Variants in CTNS observed in about 807,000 individuals in gnomAD.
The protein encoded by CTNS is cystinosin, lysosomal cystine transporter, also known as cystinosin.
CTNS carries 27 observed loss-of-function variants against 43.7 expected under a neutral mutation model. The observed-to-expected ratio is 0.62, with a 90% confidence interval of 0.46 to 0.85. The LOEUF is 0.85. Ranked by LOEUF, CTNS falls within the 40% of genes least tolerant of loss-of-function variation. The pLI, the probability that CTNS is intolerant of heterozygous loss-of-function variation, is 0.00. For synonymous variants in CTNS, 187 were observed against 190.6 expected (o/e 0.98, Z 0.16); for missense variants, 457 against 475.4 (o/e 0.96, Z 0.36).
Position 3,660,560 on chromosome 17 carries a change from C to T in CTNS, c.*191C>T. The stretch of plus-strand genomic sequence containing the variant: ...GCCTTCGTCCGGGCCCCTCCTGGGC[C>T]TCCCCGGCCAGGCACGTGGCACCGT... On this transcript the variant is annotated 3_prime_UTR_variant, in exon 12 of 12. Coordinates refer to ENST00000046640, the MANE Select transcript of CTNS (RefSeq NM_004937.3). 1.9e-6 allele frequency: 3 copies of T among 1,613,024 alleles called. No individual in the cohort carries two copies. The highest frequency in any genetic ancestry group is 2.5e-6 in the Non-Finnish European group (3 of 1,180,004).
chr17:3,644,922 A>G (rs937257069), intron 3 of CTNS, among the ~76,000 whole-genome samples: 9 of 152,132 alleles, frequency 5.9e-5, no homozygotes, highest in African/African-American at 1.9e-4. Flanking sequence ...ATATGCAAAG[A>G]TTGTAGGAGC....
At chr17:3,658,234 C>T (rs2076202427) in intron 10 of CTNS, 59 bp downstream of exon 10, 1 of 1,599,868 alleles carries the variant, frequency 6.3e-7, no homozygotes, top group East Asian at 2.2e-5. Flanking sequence ...CTACATGGCC[C>T]AGGCCCTGCT....
intron 10 of CTNS, 98 bp downstream of exon 10, chr17:3,658,273 G>A (rs1304618037): frequency 8.6e-6 from 13 of 1,505,968 alleles, no homozygotes; most frequent in South Asian, 1.2e-5. Flanking sequence ...CCGGCGTGAG[G>A]AAACAGGACG....
Position 3,661,165 on chromosome 17 carries a change from G to C in CTNS, c.*796G>C. On this transcript the variant is annotated 3_prime_UTR_variant, in exon 12 of 12. Coordinates refer to ENST00000046640, the MANE Select transcript of CTNS (RefSeq NM_004937.3). ...CCCAGCATCTGGAGTACAGGACATA[G>C]CTCTCTCCTGCTACCAGTCTGTGCC... is the stretch of plus-strand genomic sequence containing the variant. 1 of 283,178 alleles carries C rather than the reference G, an allele frequency of 3.5e-6. No homozygotes were observed. The highest frequency in any genetic ancestry group is 3.6e-5 in the South Asian group (1 of 27,828). The allele number at this position is 283,178 out of a possible 1,614,324, so 17.5% of individuals were successfully genotyped here. A position where few individuals can be genotyped will look rare whatever the true frequency, so the allele number is the denominator to read the frequency against.
intron 5 of CTNS, among the ~76,000 whole-genome samples, chr17:3,651,552 G>A (rs1410698986): frequency 6.6e-6 from 1 of 152,192 alleles, no homozygotes; most frequent in Non-Finnish European, 1.5e-5. Flanking sequence ...CAGGGGTTCC[G>A]AGGACTTGGG....
Position 3,660,257 on chromosome 17 carries a change from G to T in CTNS, c.992G>T (p.Gly331Val), listed in dbSNP as rs1567716730. The T allele has an allele frequency of 2.5e-6, 4 of 1,614,228 alleles. No homozygotes were observed. The highest frequency in any genetic ancestry group is 3.4e-6 in the Non-Finnish European group (4 of 1,180,038). Reference protein sequence around the residue: ...YNNDQWTLIFGDPTKFGLGVF... With the variant: ...YNNDQWTLIFVDPTKFGLGVF... ...ACAGACCAGTGGACGCTGATCTTCGGAGACCCAACCAAGTTTGGACTCGGG... is the reference window on the plus strand; with the variant it reads ...ACAGACCAGTGGACGCTGATCTTCGTAGACCCAACCAAGTTTGGACTCGGG... Residue 331 changes from glycine (G) to valine (V), a missense_variant, in exon 12 of 12, where the codon GGA becomes GTA. By Grantham distance (109) the Gly-to-Val change is moderately radical. Transcript: ENST00000046640.
chr17:3,657,640 G>A, intron 9 of CTNS: 1 of 353,662 alleles, frequency 2.8e-6, no homozygotes, highest in Non-Finnish European at 5.4e-6. Flanking sequence ...GCTGGGAGAG[G>A]CACCAGGCCA....
chr17:3,655,190 A>C, intron 6 of CTNS, 31 bp from the exon 7 acceptor site: 1 of 1,614,066 alleles, frequency 6.2e-7, no homozygotes, highest in Non-Finnish European at 8.5e-7. Context: ...GCCCAGCCTC[A>C]GCTCATCCCG....
At chr17:3,648,157 C>T (rs965452966) in intron 4 of CTNS, among the ~76,000 whole-genome samples, 1 of 152,194 alleles carries the variant, frequency 6.6e-6, no homozygotes, top group African/African-American at 2.4e-5. Context: ...TTATGCCTTT[C>T]CCCCTTCCTC....
At position 3,650,201 on chromosome 17, in the gene CTNS, A is replaced by G. The variant is rs780032845; in HGVS notation, c.225+1270A>G. On this transcript the variant is annotated intron_variant, in intron 5 of 11. Coordinates refer to ENST00000046640, the MANE Select transcript of CTNS (RefSeq NM_004937.3). ...GGTGGAAGCAGGAGGAGAAGAATGC[A>G]GGGATGAGATCAGTAGCCATGAGGC... 6.1e-5 allele frequency: 94 copies of G among 1,550,420 alleles called. 1 individual carries two copies. Among genetic ancestry groups the G allele is most frequent in the Non-Finnish European group, 7.5e-5 (86 of 1,146,980 alleles).
chr17:3,660,053 C>A, intron 11 of CTNS, 78 bp downstream of exon 11: 1 of 1,457,968 alleles, frequency 6.9e-7, no homozygotes, highest in Non-Finnish European at 9.6e-7. Flanking sequence ...ACCTTCCAGC[C>A]AGGGCTCCAC....
intron 4 of CTNS, 134 bp from the exon 5 acceptor site, chr17:3,648,713 C>A (rs886388746): frequency 3.9e-6 from 3 of 770,442 alleles, no homozygotes; most frequent in East Asian, 5.2e-5. Context: ...ACCTGGCTAC[C>A]CATCAGGGTG....
In CTNS at chr17:3,660,218, TC is replaced by T; in HGVS notation, c.971-13del. The T allele has an allele frequency of 1.9e-6, 3 of 1,613,980 alleles. No homozygotes were observed. The highest frequency in any genetic ancestry group is 2.5e-6 in the Non-Finnish European group (3 of 1,180,038). On this transcript the variant is annotated splice_polypyrimidine_tract_variant and intron_variant, in intron 11 of 11. Coordinates refer to ENST00000046640, the MANE Select transcript of CTNS (RefSeq NM_004937.3). ...GCTGCCAACCTAACACCAGCTTCTG[TC>T]CCCCGGCTGCTAACAGACCAGTGGA... is the stretch of plus-strand genomic sequence containing the variant.
At chr17:3,643,868 A>C (rs979624140) in intron 3 of CTNS, among the ~76,000 whole-genome samples, 1 of 152,126 alleles carries the variant, frequency 6.6e-6, no homozygotes, top group Non-Finnish European at 1.5e-5. Flanking sequence ...CACCCGGCCA[A>C]AAATTTTTTT....
At position 3,660,663 on chromosome 17, in the gene CTNS, T is replaced by C. The variant is rs751761314; in HGVS notation, c.*294T>C. On this transcript the variant is annotated 3_prime_UTR_variant, in exon 12 of 12. Coordinates refer to ENST00000046640, the MANE Select transcript of CTNS (RefSeq NM_004937.3). ...CTCTGGCAGCCGTCTCAGGCAGGACTGGGCACCAAGCTTGCAGCCGAAGGC... is the reference window on the plus strand; with the variant it reads ...CTCTGGCAGCCGTCTCAGGCAGGACCGGGCACCAAGCTTGCAGCCGAAGGC... 1.2e-5 allele frequency: 19 copies of C among 1,613,638 alleles called. No homozygotes were observed. The South Asian group carries it at 2.1e-4, about 18-fold the overall frequency.
At position 3,662,547 on chromosome 17, in the gene CTNS, C is replaced by T. The variant is rs2142989366; in HGVS notation, c.*2178C>T. ...TATAGGCAGGGGTCTCTCCCAGGCA[C>T]CTCTGGGTGTCCCTACGGCCCCTCC... On this transcript the variant is annotated 3_prime_UTR_variant, in exon 12 of 12. Coordinates refer to ENST00000046640, the MANE Select transcript of CTNS (RefSeq NM_004937.3). Among the ~76,000 whole-genome samples, 1 of 152,256 alleles carries T rather than the reference C, an allele frequency of 6.6e-6. No homozygotes were observed. The highest frequency in any genetic ancestry group is 2.4e-5 in the African/African-American group (1 of 41,548).
intron 7 of CTNS, chr17:3,656,062 C>A (rs908223222): frequency 6.3e-6 from 2 of 315,556 alleles, no homozygotes; most frequent in Non-Finnish European, 1.2e-5. Context: ...GTCCTCACCC[C>A]TGGCCCTGCC....
chr17:3,660,738 T>C lies in CTNS; in HGVS notation c.*369T>C. ...TGCAAGCAGCTTGAAGGGCTGACCT[T>C]GCAGCCGGGTGAGCCAAGGGCACTT... On this transcript the variant is annotated 3_prime_UTR_variant, in exon 12 of 12. Coordinates refer to ENST00000046640, the MANE Select transcript of CTNS (RefSeq NM_004937.3). The C allele has an allele frequency of 6.2e-7, 1 of 1,613,348 alleles. No homozygotes were observed. The highest frequency in any genetic ancestry group is 8.5e-7 in the Non-Finnish European group (1 of 1,180,010).
At position 3,655,013 on chromosome 17, in the gene CTNS, G is replaced by A. The variant is rs767064670; in HGVS notation, c.241G>A (p.Gly81Arg). 86 of 1,613,664 alleles carry A rather than the reference G, an allele frequency of 5.3e-5. No individual in the cohort carries two copies. Among genetic ancestry groups the A allele is most frequent in the Non-Finnish European group, 7.0e-5 (83 of 1,179,524 alleles). Reference protein sequence around the residue: ...ELPDEVVVPPGVTNSSFQVTS... With the variant: ...ELPDEVVVPPRVTNSSFQVTS... ...TTCCTAACAGGTTGTGGTGCCTCCT[G>A]GAGTGACAAACTCCTCTTTTCAAGT... Residue 81 changes from glycine to arginine, a missense_variant, in exon 6 of 12, where the codon GGA becomes AGA. Physicochemically the swap from Gly to Arg is moderately radical, Grantham distance 125. Coordinates refer to ENST00000046640, the MANE Select transcript of CTNS (RefSeq NM_004937.3).
Sources: allele counts gnomAD v4.1 joint callset (sites outside exome capture counted in the v4.1 genomes callset), GRCh38; gene constraint gnomAD v4.1.1; transcripts MANE v1.5; gene names NCBI Gene and HGNC (gene_info 2026-07-23, HGNC 2026-07-21).